Variants in IQSEC1 observed in about 807,000 individuals in gnomAD.
The protein encoded by IQSEC1 is IQ motif and Sec7 domain ArfGEF 1.
IQSEC1 carries 31 observed loss-of-function variants against 91.0 expected under a neutral mutation model. The ratio of observed to expected loss-of-function variants is 0.34; its 90% confidence interval spans 0.26 to 0.46. IQSEC1 has a LOEUF of 0.46. IQSEC1 is among the 20% of genes least tolerant of loss of function. The pLI, the probability that IQSEC1 is intolerant of heterozygous loss-of-function variation, is 1.00. For missense variants in IQSEC1, 1,388 were observed against 1,575.6 expected, an observed-to-expected ratio of 0.88 and a Z score of 2.02; for synonymous variants, 699 against 662.6, an observed-to-expected ratio of 1.05 and a Z score of -0.84.
chr3:13,080,121 G>T (rs143949427), intron 2 of IQSEC1, among the ~76,000 whole-genome samples: 2 of 152,202 alleles, frequency 1.3e-5, no homozygotes, highest in Non-Finnish European at 2.9e-5. Context: ...TTCATTATGC[G>T]GGTAATGGCA....
chr3:13,227,518 T>C (rs114587823), intron 1 of IQSEC1, among the ~76,000 whole-genome samples: 168 of 151,034 alleles, frequency 1.1e-3, no homozygotes, highest in African/African-American at 3.9e-3. Context: ...AGAGGGGTGA[T>C]AGTGACACAT....
chr3:12,924,867 C>T lies in IQSEC1; in HGVS notation c.1569-125G>A, dbSNP rs546038332. The stretch of plus-strand genomic sequence containing the variant: ...CCTGCCCACCTGCACCGGCCTTCAT[C>T]CCTGTAGGCATTCAGGGGTCTCTAG... On this transcript the variant is annotated intron_variant, in intron 3 of 13. Coordinates refer to ENST00000613206, the MANE Select transcript of IQSEC1 (RefSeq NM_001134382.3). The surrounding 1 kb of genome is among the most constrained non-coding windows in gnomAD (Gnocchi z 6.3). The T allele has an allele frequency of 3.1e-3, 2,719 of 868,544 alleles. 9 individuals are homozygous for T. Among genetic ancestry groups the T allele is most frequent in the Non-Finnish European group, 4.1e-3 (2,371 of 583,864 alleles). The allele number at this position is 868,544 out of a possible 1,614,324, so 53.8% of individuals were successfully genotyped here.
At chr3:13,222,107 A>G (rs4684922) in intron 1 of IQSEC1, among the ~76,000 whole-genome samples, 38,585 of 150,194 alleles carry the variant, frequency 0.26, 5,180 homozygotes, top group Non-Finnish European at 0.29. Context: ...ATCTTCCCCA[A>G]CTGAAACTCT....
intron 1 of IQSEC1, among the ~76,000 whole-genome samples, chr3:13,199,713 C>T (rs982242509): frequency 4.6e-5 from 7 of 152,144 alleles, no homozygotes; most frequent in African/African-American, 1.7e-4. Context: ...TGCTCGCCCA[C>T]GAGGACACCC....
At chr3:12,902,660 A>G (rs1694464447) in intron 13 of IQSEC1, 113 bp downstream of exon 13, 9 of 401,236 alleles carry the variant, frequency 2.2e-5, no homozygotes, top group Non-Finnish European at 3.9e-5. Context: ...AAAAACAACA[A>G]AAAAAAAACC....
chr3:13,038,262 G>GTGTGTGTATA (rs1491471643), intron 1 of IQSEC1, among the ~76,000 whole-genome samples: 1 of 101,236 alleles, frequency 9.9e-6, no homozygotes, highest in African/African-American at 3.6e-5. Context: ...GTGTGTGTGT[G>GTGTGTGTATA]TATATATATA....
At chr3:12,988,748 G>A (rs1701857633) in intron 1 of IQSEC1, among the ~76,000 whole-genome samples, 1 of 152,172 alleles carries the variant, frequency 6.6e-6, no homozygotes, top group Non-Finnish European at 1.5e-5. Context: ...TCACACGCAT[G>A]TTCTTATTTT....
chr3:13,074,739 G>A (rs971629945), upstream of IQSEC1, among the ~76,000 whole-genome samples: 3 of 152,214 alleles, frequency 2.0e-5, no homozygotes, highest in Non-Finnish European at 4.4e-5. Context: ...GGAATCGGCT[G>A]GATGTGGATG....
Position 12,997,359 on chromosome 3 carries a change from G to A in IQSEC1, c.24-55494C>T, listed in dbSNP as rs1443306022. Among the ~76,000 whole-genome samples, 5 of 152,308 alleles carry A rather than the reference G, an allele frequency of 3.3e-5. No individual in the cohort carries two copies. The East Asian group carries it at 5.8e-4, about 18-fold the overall frequency. ...AGGGGTGCATGGAATGGATATGTGA[G>A]GCGCTTTTACTTTTCATTTTATACT... On this transcript the variant is annotated intron_variant, in intron 1 of 13. Coordinates refer to ENST00000613206, the MANE Select transcript of IQSEC1 (RefSeq NM_001134382.3).
chr3:13,199,900 C>A (rs755553246), intron 1 of IQSEC1, among the ~76,000 whole-genome samples: 3 of 151,440 alleles, frequency 2.0e-5, no homozygotes, highest in Non-Finnish European at 4.4e-5. Context: ...CACACACACA[C>A]AACAAACAGA....
intron 1 of IQSEC1, among the ~76,000 whole-genome samples, chr3:13,175,259 C>A (rs1017432993): frequency 6.6e-6 from 1 of 152,158 alleles, no homozygotes; most frequent in Non-Finnish European, 1.5e-5. Context: ...CCCATGTTTC[C>A]TCATTTGTAA....
intron 2 of IQSEC1, among the ~76,000 whole-genome samples, chr3:13,133,611 T>A (rs549087273): frequency 6.6e-6 from 1 of 152,318 alleles, no homozygotes; most frequent in East Asian, 1.9e-4. Flanking sequence ...AGTTATGTAA[T>A]TGGCCGCCTT....
chr3:13,229,109 C>A (rs572081860), intron 1 of IQSEC1, among the ~76,000 whole-genome samples: 1 of 152,336 alleles, frequency 6.6e-6, no homozygotes, highest in African/African-American at 2.4e-5. Context: ...CATATACACC[C>A]TCACACAGTT....
intron 1 of IQSEC1, among the ~76,000 whole-genome samples, chr3:13,254,488 C>T (rs979135533): frequency 6.6e-6 from 1 of 152,216 alleles, no homozygotes; most frequent in Non-Finnish European, 1.5e-5. Context: ...TCCAAACCCC[C>T]CTGCACAAAG....
intron 3 of IQSEC1, among the ~76,000 whole-genome samples, chr3:12,925,197 G>A (rs775135802): frequency 7.2e-5 from 11 of 152,210 alleles, no homozygotes; most frequent in Non-Finnish European, 1.6e-4. Context: ...CCAACTCCCT[G>A]CTCCCCTCAG....
chr3:13,098,730 A>G (rs575774412), intron 2 of IQSEC1, among the ~76,000 whole-genome samples: 16 of 152,340 alleles, frequency 1.1e-4, no homozygotes, highest in Non-Finnish European at 1.3e-4. Flanking sequence ...ATTTGTATGG[A>G]GAGTCCAGAA....
chr3:13,254,903 C>A (rs548002970), intron 1 of IQSEC1, among the ~76,000 whole-genome samples: 1 of 152,208 alleles, frequency 6.6e-6, no homozygotes, highest in Non-Finnish European at 1.5e-5. Flanking sequence ...GGCCTCCATG[C>A]GGTCTCTGTG....
Position 12,930,897 on chromosome 3 carries a change from C to T in IQSEC1, c.1568+4551G>A, listed in dbSNP as rs73027093. On this transcript the variant is annotated intron_variant, in intron 3 of 13. Transcript: ENST00000613206. Reference sequence around the variant, plus strand: ...TCACCAACTTCAGCATTCGGAGAGTCCCTGCACACCTGAAAATGCCCTTCC... The same window carrying T: ...TCACCAACTTCAGCATTCGGAGAGTTCCTGCACACCTGAAAATGCCCTTCC... Among the ~76,000 whole-genome samples, 1,242 of 152,184 alleles carry T rather than the reference C, an allele frequency of 8.2e-3. 11 individuals are homozygous for T. The highest frequency in any genetic ancestry group is 0.013 in the South Asian group (62 of 4,820).
intron 2 of IQSEC1, among the ~76,000 whole-genome samples, chr3:13,115,402 C>T (rs1343452138): frequency 2.6e-5 from 4 of 152,222 alleles, no homozygotes; most frequent in Non-Finnish European, 1.5e-5. Context: ...GGGGTCTGGG[C>T]CCCCATGATG....
Sources: allele counts gnomAD v4.1 joint callset (sites outside exome capture counted in the v4.1 genomes callset), GRCh38; gene constraint gnomAD v4.1.1; non-coding constraint Gnocchi (gnomAD v3.1); transcripts MANE v1.5; gene names NCBI Gene and HGNC (gene_info 2026-07-23, HGNC 2026-07-21).